ANK3: variants seen among roughly 807,000 people sequenced by gnomAD.
ANK3 encodes ankyrin 3, also known as ankyrin-3.
ANK3 carries 57 observed loss-of-function variants against 370.9 expected under a neutral mutation model. That is an observed-to-expected ratio of 0.15 (90% CI 0.12 to 0.19). ANK3 has a LOEUF of 0.19. Ranked by LOEUF, ANK3 falls within the 10% of genes least tolerant of loss-of-function variation. The pLI is 1.00. For missense variants in ANK3, 4,439 were observed against 5,302.1 expected, an observed-to-expected ratio of 0.84 and a Z score of 5.06; for synonymous variants, 1,929 against 1,946.3, an observed-to-expected ratio of 0.99 and a Z score of 0.23.
chr10:60,083,782 T>G (rs2085909144), intron 32 of ANK3, among the ~76,000 whole-genome samples, 165 bp from the exon 33 acceptor site: 1 of 152,244 alleles, frequency 6.6e-6, no homozygotes, highest in South Asian at 2.1e-4. Flanking sequence ...TGTTGTGTGC[T>G]TACAACTCAC....
intron 1 of ANK3, among the ~76,000 whole-genome samples, chr10:60,633,413 GT>G (rs1007184042): frequency 2.6e-5 from 4 of 152,172 alleles, no homozygotes; most frequent in African/African-American, 7.2e-5. Flanking sequence ...GACTGCTGGA[GT>G]TTTTTTAAGC....
At chr10:60,569,628 G>A (rs984274609) in intron 2 of ANK3, among the ~76,000 whole-genome samples, 1 of 152,000 alleles carries the variant, frequency 6.6e-6, no homozygotes, top group African/African-American at 2.4e-5. Context: ...AATACTATGC[G>A]CTAACAGAGG....
intron 8 of ANK3, among the ~76,000 whole-genome samples, chr10:60,226,672 ATATAG>A (rs1320841436): frequency 2.8e-4 from 39 of 138,172 alleles, no homozygotes; most frequent in Non-Finnish European, 5.5e-4. Flanking sequence ...TTATAGTATA[ATATAG>A]TATAACATAA....
chr10:60,470,568 G>T (rs1420830835), intron 2 of ANK3, among the ~76,000 whole-genome samples: 8 of 152,114 alleles, frequency 5.3e-5, no homozygotes, highest in African/African-American at 9.7e-5. Flanking sequence ...ACACATTTGA[G>T]GTGGTTCAGA....
At chr10:60,157,973 A>G (rs9887986) in intron 23 of ANK3, among the ~76,000 whole-genome samples, 4,628 of 151,502 alleles carry the variant, frequency 0.031, 200 homozygotes, top group African/African-American at 0.09. Context: ...GATTTACTCA[A>G]AGAAATAATA....
chr10:60,055,684 C>T lies in ANK3; in HGVS notation c.13039G>A (p.Glu4347Lys), dbSNP rs144675810. ...TTTTGCTCAGACCCACTGGACCCCTCTTCTTCATGGAGGCTAAGCCTTGGC... is the reference window on the plus strand; with the variant it reads ...TTTTGCTCAGACCCACTGGACCCCTTTTCTTCATGGAGGCTAAGCCTTGGC... The part of the protein sequence containing the change: ...GKPRLSLHEE[E>K]GSSGSEQKQG... Residue 4347 changes from glutamate to lysine, a missense_variant, in exon 42 of 44, where the codon GAG becomes AAG. Around this residue, in one of 13 missense-constraint regions of ANK3, gnomAD observed 242 missense variants for 228.0 expected, o/e 1.06. Transcript: ENST00000280772. 2 of 1,612,762 alleles carry T rather than the reference C, an allele frequency of 1.2e-6. No homozygotes were observed. The highest frequency in any genetic ancestry group is 2.7e-5 in the African/African-American group (2 of 74,744).
chr10:60,720,325 T>C lies in ANK3; in HGVS notation c.57+12938A>G, dbSNP rs2079846066. Among the ~76,000 whole-genome samples the C allele has an allele frequency of 2.6e-5, 4 of 152,190 alleles. 1 individual carries two copies. Among genetic ancestry groups the C allele is most frequent in the Admixed American group, 2.6e-4 (4 of 15,278 alleles). ...CAACAACCCTATGAGATATGCACCC[T>C]ATTTAAAGATGAGGAAATGGGTCTT... On this transcript the variant is annotated intron_variant, in intron 1 of 43. Transcript: ENST00000373827.
rs1185592093 is a variant in ANK3 at position 60,186,828 on chromosome 10, T to C, written c.1972A>G (p.Asn658Asp). Reference sequence around the variant, plus strand: ...GCAATTCCTTGCCGGGTAACTGCGTTGGCATCAGCACCATATTCCAGCAGA... The same window carrying C: ...GCAATTCCTTGCCGGGTAACTGCGTCGGCATCAGCACCATATTCCAGCAGA... ...TTLLEYGADANAVTRQGIASV... is the reference protein window; with the variant it reads ...TTLLEYGADADAVTRQGIASV... The change falls in exon 17 of 44, where the codon AAC becomes GAC. Residue 658 changes from asparagine (N) to aspartate (D), a missense_variant. Transcript: ENST00000280772. The C allele has an allele frequency of 1.2e-6, 2 of 1,614,226 alleles. No homozygotes were observed. Among genetic ancestry groups the C allele is most frequent in the Non-Finnish European group, 1.7e-6 (2 of 1,180,028 alleles).
At chr10:60,068,087 G>T (rs903140070) in intron 37 of ANK3, 78 bp from the exon 38 acceptor site, 1 of 1,303,220 alleles carries the variant, frequency 7.7e-7, no homozygotes, top group Non-Finnish European at 1.1e-6. Context: ...GCAGTACGCA[G>T]ATTTTACAGA....
At chr10:60,208,373 C>T (rs1026631547) in intron 9 of ANK3, 140 bp from the exon 10 acceptor site, 12 of 715,194 alleles carry the variant, frequency 1.7e-5, no homozygotes, top group Middle Eastern at 3.8e-4. Flanking sequence ...CTTTTGACAA[C>T]TATTTTGAAC....
intron 7 of ANK3, among the ~76,000 whole-genome samples, chr10:60,249,880 G>A (rs558529068): frequency 1.3e-4 from 20 of 152,294 alleles, no homozygotes; most frequent in Non-Finnish European, 2.2e-4. Context: ...GCACTGAGGC[G>A]TACCAAAATG....
chr10:60,204,904 T>C (rs2096738129), intron 11 of ANK3, among the ~76,000 whole-genome samples: 1 of 152,114 alleles, frequency 6.6e-6, no homozygotes, highest in Admixed American at 6.6e-5. Context: ...CAGATCTGGT[T>C]CTAAAGGACG....
At chr10:60,114,704 AATCTTGATGACT>A (rs773866108) in intron 25 of ANK3, among the ~76,000 whole-genome samples, 45 of 152,250 alleles carry the variant, frequency 3.0e-4, no homozygotes, top group Non-Finnish European at 5.6e-4. Flanking sequence ...TGAAAAATTC[AATCTTGATGACT>A]TCTGGTTCCA....
intron 8 of ANK3, among the ~76,000 whole-genome samples, chr10:60,226,483 A>AG (rs1360511440): frequency 2.2e-4 from 18 of 80,030 alleles, no homozygotes; most frequent in South Asian, 1.2e-3. Flanking sequence ...TATATACTAT[A>AG]TATATACATA....
At chr10:60,509,405 T>G (rs1422837133) in intron 2 of ANK3, among the ~76,000 whole-genome samples, 1 of 152,168 alleles carries the variant, frequency 6.6e-6, no homozygotes, top group Non-Finnish European at 1.5e-5. Context: ...TCCTCATTTT[T>G]TTTGTAAACA....
chr10:60,240,133 C>T (rs1299153065), intron 7 of ANK3, among the ~76,000 whole-genome samples: 2 of 107,364 alleles, frequency 1.9e-5, no homozygotes, highest in African/African-American at 7.4e-5. Flanking sequence ...CATATATATA[C>T]ATATATATAC....
chr10:60,434,907 C>G (rs1303721946), intron 2 of ANK3, among the ~76,000 whole-genome samples: 1 of 152,142 alleles, frequency 6.6e-6, no homozygotes, highest in Non-Finnish European at 1.5e-5. Flanking sequence ...TTCTTTTCAG[C>G]AAGTATGCTC....
At chr10:60,338,921 G>T (rs1160087311) in intron 1 of ANK3, among the ~76,000 whole-genome samples, 2 of 152,070 alleles carry the variant, frequency 1.3e-5, no homozygotes, top group East Asian at 3.9e-4. Flanking sequence ...TTGTTTGGTT[G>T]TCTCCAAATA....
chr10:60,698,464 G>A (rs539154776), intron 1 of ANK3, among the ~76,000 whole-genome samples: 7 of 151,098 alleles, frequency 4.6e-5, no homozygotes, highest in Non-Finnish European at 7.4e-5. Context: ...TATGTTTATT[G>A]CGGCACTATT....
Sources: gnomAD v4.1 joint callset for allele counts (sites outside exome capture counted in the v4.1 genomes callset) on GRCh38, gnomAD v4.1.1 for gene constraint, gnomAD v4.1.1 regional missense constraint, MANE v1.5 for transcripts, NCBI Gene and HGNC (gene_info 2026-07-23, HGNC 2026-07-21) for gene names.